KCNN4: variants seen among roughly 807,000 people sequenced by gnomAD.
KCNN4 encodes the protein potassium calcium-activated channel subfamily N member 4.
KCNN4 carries 31 observed loss-of-function variants against 45.2 expected under a neutral mutation model. The ratio of observed to expected loss-of-function variants is 0.69; its 90% CI spans 0.52 to 0.92. KCNN4 has a LOEUF of 0.92. Among genes scored for constraint, KCNN4 ranks in the 40% least tolerant of loss-of-function variants. The pLI is 0.00. For synonymous variants in KCNN4, 231 were observed against 254.6 expected (o/e 0.91, Z 0.88); for missense variants, 463 against 574.0 (o/e 0.81, Z 1.98).
rs2306801 is a variant in KCNN4 at position 43,776,326 on chromosome 19, G to A, written c.255+215C>T. ...AGCATCCGTGAGTGTGCAAGGGGGG[G>A]CTGGGGACTACAGGGGAAGGCGGAG... On this transcript the variant is annotated intron_variant, in intron 2 of 8. Transcript: ENST00000648319. Among the ~76,000 whole-genome samples the A allele has an allele frequency of 0.16, 24,036 of 151,304 alleles. 2,004 individuals are homozygous for A. The highest frequency in any genetic ancestry group is 0.19 in the Non-Finnish European group (12,627 of 67,854).
In KCNN4 at chr19:43,774,613, T is replaced by C; in HGVS notation, c.262A>G (p.Met88Val). ...AFHAKEVQLF[M>V]TDNGLRDWRV... The stretch of plus-strand genomic sequence containing the variant: ...CAGTCCCGCAGCCCGTTGTCGGTCA[T>C]GAACAGCTGCCGGTAGGGGGCCAAG... Residue 88 changes from methionine to valine, a missense_variant, in exon 3 of 9, where the codon ATG becomes GTG. This residue lies in a region of KCNN4 where 225 missense variants were observed against 240.9 expected (regional missense o/e 0.93). Coordinates refer to ENST00000648319, the MANE Select transcript of KCNN4 (RefSeq NM_002250.3). The surrounding 1 kb of genome is among the most constrained non-coding windows in gnomAD (Gnocchi z 5.6). The C allele has an allele frequency of 1.3e-6, 2 of 1,499,826 alleles. No individual in the cohort carries two copies. The highest frequency in any genetic ancestry group is 1.8e-6 in the Non-Finnish European group (2 of 1,134,046). The allele number at this position is 1,499,826 out of a possible 1,614,324, so 92.9% of individuals were successfully genotyped here. A position where few individuals can be genotyped will look rare whatever the true frequency, so the allele number is the denominator to read the frequency against.
At chr19:43,776,105 G>A (rs2146460115) in intron 2 of KCNN4, among the ~76,000 whole-genome samples, 1 of 134,842 alleles carries the variant, frequency 7.4e-6, no homozygotes, top group South Asian at 2.4e-4. Context: ...TCTAGCCTGG[G>A]CAACAGAGCA....
At chr19:43,767,309 A>T in intron 8 of KCNN4, 1 of 542,004 alleles carries the variant, frequency 1.8e-6, no homozygotes, top group South Asian at 2.4e-5. Flanking sequence ...GAGAGAGACC[A>T]AGCAAAGAGG....
chr19:43,775,566 C>T (rs1030713045), intron 2 of KCNN4, among the ~76,000 whole-genome samples: 1 of 152,136 alleles, frequency 6.6e-6, no homozygotes, highest in African/African-American at 2.4e-5. Flanking sequence ...TGATAATGTG[C>T]ACTGTTTACT....
intron 7 of KCNN4, among the ~76,000 whole-genome samples, chr19:43,768,294 G>C (rs1003061859): frequency 1.3e-5 from 2 of 152,244 alleles, no homozygotes; most frequent in Admixed American, 1.3e-4. Context: ...TGGCATTGCT[G>C]CCAGGGGCCA....
chr19:43,780,837 G>A lies in KCNN4; in HGVS notation c.25C>T (p.Leu9=). The A allele has an allele frequency of 4.3e-6, 7 of 1,614,040 alleles. No individual in the cohort carries two copies. Among genetic ancestry groups the A allele is most frequent in the Non-Finnish European group, 5.9e-6 (7 of 1,179,974 alleles). The change falls in exon 1 of 9, where the codon CTG becomes TTG. Residue 9 remains leucine, a synonymous_variant. Coordinates refer to ENST00000648319, the MANE Select transcript of KCNN4 (RefSeq NM_002250.3). The stretch of plus-strand genomic sequence containing the variant: ...CGCTTTCGGCGTCTCAAGGCCCCCA[G>A]GCCAAGCACCAGATCCCCGCCCATG... The part of the protein sequence containing the change: MGGDLVLG[L]GALRRRKRLL...
chr19:43,766,629 G>C lies in KCNN4; in HGVS notation c.*464C>G, dbSNP rs1969485473. The C allele has an allele frequency of 6.6e-6, 1 of 152,416 alleles. No homozygotes were observed. 9.4% of individuals were successfully genotyped at this position (152,416 alleles called of 1,614,324 possible). ...TGCTCTCTGCAGCTCTGGAAAAATGGTGTCCTCTTTGTTGTCCCACCAGGG... is the reference window on the plus strand; with the variant it reads ...TGCTCTCTGCAGCTCTGGAAAAATGCTGTCCTCTTTGTTGTCCCACCAGGG... On this transcript the variant is annotated 3_prime_UTR_variant, in exon 9 of 9. Transcript: ENST00000648319.
At chr19:43,775,627 A>G (rs1969778961) in intron 2 of KCNN4, among the ~76,000 whole-genome samples, 1 of 152,182 alleles carries the variant, frequency 6.6e-6, no homozygotes, top group South Asian at 2.1e-4. Flanking sequence ...ACACATGGCC[A>G]ATAATCCCCA....
intron 4 of KCNN4, among the ~76,000 whole-genome samples, chr19:43,771,132 G>C (rs1017705057): frequency 6.6e-6 from 1 of 152,150 alleles, no homozygotes; most frequent in Non-Finnish European, 1.5e-5. Context: ...CTCTAGAGGG[G>C]GCCAGGGCTG....
Position 43,779,084 on chromosome 19 carries a change from C to A in KCNN4, c.159+1619G>T, listed in dbSNP as rs140754291. Reference sequence around the variant, plus strand: ...TTAGGGTCATGTATTTTAACCCTCACCCCAATTTACAGATGGGGAAACTGA... The same window carrying A: ...TTAGGGTCATGTATTTTAACCCTCAACCCAATTTACAGATGGGGAAACTGA... On this transcript the variant is annotated intron_variant, in intron 1 of 8. Coordinates refer to ENST00000648319, the MANE Select transcript of KCNN4 (RefSeq NM_002250.3). 4.0e-3 allele frequency among the ~76,000 whole-genome samples: 615 copies of A among 152,310 alleles called. 7 individuals are homozygous for A. The highest frequency in any genetic ancestry group is 0.014 in the African/African-American group (586 of 41,550).
chr19:43,775,449 G>C (rs1252010278), intron 2 of KCNN4, among the ~76,000 whole-genome samples: 1 of 152,220 alleles, frequency 6.6e-6, no homozygotes. Context: ...CAGTGAGATT[G>C]ATATTATTAT....
chr19:43,776,949 T>A, intron 1 of KCNN4: 1 of 246,728 alleles, frequency 4.1e-6, no homozygotes, highest in Non-Finnish European at 8.1e-6. Flanking sequence ...AAACAAAAAA[T>A]TAGCTGGGTG....
At chr19:43,777,672 CTTT>C (rs1555725484) in intron 1 of KCNN4, among the ~76,000 whole-genome samples, 3 of 146,520 alleles carry the variant, frequency 2.0e-5, no homozygotes, top group South Asian at 4.3e-4. Flanking sequence ...GAAATTGTTC[CTTT>C]TTTTTTTTTT....
intron 2 of KCNN4, among the ~76,000 whole-genome samples, chr19:43,776,292 G>C (rs1018470597): frequency 5.9e-5 from 9 of 152,036 alleles, no homozygotes; most frequent in African/African-American, 2.2e-4. Context: ...GGGCTGCAAG[G>C]GCACTCTCAG....
chr19:43,775,704 G>C (rs534961441), intron 2 of KCNN4, among the ~76,000 whole-genome samples: 1 of 152,244 alleles, frequency 6.6e-6, no homozygotes, highest in African/African-American at 2.4e-5. Flanking sequence ...CAGGATCTGG[G>C]GCAATGGGAC....
In KCNN4 at chr19:43,776,574, G is replaced by GCAGAGGAGTAA; in HGVS notation, c.211_221dup (p.Leu75TyrfsTer18). The GCAGAGGAGTAA allele has an allele frequency of 1.2e-6, 2 of 1,613,948 alleles. No individual in the cohort carries two copies. Among genetic ancestry groups the GCAGAGGAGTAA allele is most frequent in the Non-Finnish European group, 1.7e-6 (2 of 1,179,890 alleles). The stretch of plus-strand genomic sequence containing the variant: ...CTTTGGCATGAAAGGCCACGATGAG[G>GCAGAGGAGTAA]CAGAGGAGTAAGAAGGTGGAAATGC... On this transcript the variant is annotated frameshift_variant, in exon 2 of 9. Coordinates refer to ENST00000648319, the MANE Select transcript of KCNN4 (RefSeq NM_002250.3). LOFTEE classifies it high-confidence loss of function.
chr19:43,779,018 G>T (rs1381469629), intron 1 of KCNN4, among the ~76,000 whole-genome samples: 1 of 152,088 alleles, frequency 6.6e-6, no homozygotes, highest in Admixed American at 6.5e-5. Flanking sequence ...ACAAAGCAAG[G>T]TCCCATCTCT....
chr19:43,779,027 C>G (rs1048657221), intron 1 of KCNN4, among the ~76,000 whole-genome samples: 1 of 152,166 alleles, frequency 6.6e-6, no homozygotes, highest in African/African-American at 2.4e-5. Context: ...GGTCCCATCT[C>G]TACATAAAAT....
Position 43,769,639 on chromosome 19 carries a change from G to A in KCNN4, c.931-79C>T, listed in dbSNP as rs1220282491. On this transcript the variant is annotated intron_variant, in intron 5 of 8. Coordinates refer to ENST00000648319, the MANE Select transcript of KCNN4 (RefSeq NM_002250.3). This position sits in a 1 kb window ranked among gnomAD's most constrained non-coding sequence, Gnocchi z 4.4. ...GGCAGGGCTAGGGCTGGGACTCTTG[G>A]GTCCTAGGGGAAGCAGGGGCGCCTG... is the stretch of plus-strand genomic sequence containing the variant. 29 of 1,560,976 alleles carry A rather than the reference G, an allele frequency of 1.9e-5. No homozygotes were observed. The highest frequency in any genetic ancestry group is 2.5e-5 in the Non-Finnish European group (28 of 1,132,656).
Sources: allele counts gnomAD v4.1 joint callset (sites outside exome capture counted in the v4.1 genomes callset), GRCh38; gene constraint gnomAD v4.1.1; regional missense constraint gnomAD v4.1.1; non-coding constraint Gnocchi (gnomAD v3.1); transcripts MANE v1.5; gene names NCBI Gene and HGNC (gene_info 2026-07-23, HGNC 2026-07-21).